MACO1: variants seen among roughly 807,000 people sequenced by gnomAD.
MACO1 encodes macoilin 1.
Under a neutral mutation model 78.7 loss-of-function variants are expected in MACO1, and 14 were observed. That is an observed-to-expected ratio of 0.18 (90% CI 0.12 to 0.28). The LOEUF is 0.28. Among genes scored for constraint, MACO1 ranks in the 10% least tolerant of loss-of-function variants. The probability of loss-of-function intolerance (pLI) is 1.00; values close to 1 mark genes in which losing one functional copy is unlikely to be tolerated. For synonymous variants in MACO1, 288 were observed against 291.6 expected (o/e 0.99, Z 0.12); for missense variants, 501 against 799.0 (o/e 0.63, Z 4.50).
At chr1:25,433,220 A>G (rs1233295949) in intron 1 of MACO1, among the ~76,000 whole-genome samples, 1 of 152,112 alleles carries the variant, frequency 6.6e-6, no homozygotes, top group East Asian at 1.9e-4. Flanking sequence ...CAACTCACTT[A>G]TCTGTTTCTT....
chr1:25,491,720 T>C (rs1178021889), intron 10 of MACO1, 136 bp downstream of exon 10: 7 of 655,596 alleles, frequency 1.1e-5, no homozygotes, highest in African/African-American at 3.6e-5. Context: ...GTGCCCAACA[T>C]TGAAATATAG....
At chr1:25,492,285 CA>C (rs2043492437) in intron 10 of MACO1, among the ~76,000 whole-genome samples, 1 of 152,118 alleles carries the variant, frequency 6.6e-6, no homozygotes, top group Non-Finnish European at 1.5e-5. Flanking sequence ...AGGTGATGAA[CA>C]AGCCAGCAGG....
intron 6 of MACO1, among the ~76,000 whole-genome samples, chr1:25,478,982 G>A (rs1270882763): frequency 6.6e-6 from 1 of 152,086 alleles, no homozygotes; most frequent in African/African-American, 2.4e-5. Flanking sequence ...TAGCTCTTCT[G>A]GAGAAAACTA....
chr1:25,491,662 G>C (rs958649550), intron 10 of MACO1, 78 bp downstream of exon 10: 14 of 1,292,292 alleles, frequency 1.1e-5, no homozygotes, highest in Admixed American at 2.1e-5. Flanking sequence ...TCTCCTGAGA[G>C]CTCTCAACCA....
At chr1:25,470,325 A>C (rs777124699) in intron 6 of MACO1, among the ~76,000 whole-genome samples, 2 of 152,244 alleles carry the variant, frequency 1.3e-5, no homozygotes, top group Non-Finnish European at 2.9e-5. Flanking sequence ...GCTGGCTCCT[A>C]GCTCCAGGGC....
At chr1:25,489,463 A>T (rs2124611438) in intron 9 of MACO1, among the ~76,000 whole-genome samples, 170 bp downstream of exon 9, 1 of 152,300 alleles carries the variant, frequency 6.6e-6, no homozygotes, top group Middle Eastern at 3.4e-3. Flanking sequence ...TGTCCAGCTC[A>T]TTTCAAGTCA....
At chr1:25,431,635 G>A (rs2042872200) in intron 1 of MACO1, among the ~76,000 whole-genome samples, 1 of 152,004 alleles carries the variant, frequency 6.6e-6, no homozygotes, top group Non-Finnish European at 1.5e-5. Context: ...GGGGGGTGGG[G>A]GAGGCTGACA....
chr1:25,465,420 G>A (rs1203189634), intron 6 of MACO1, among the ~76,000 whole-genome samples: 1 of 152,182 alleles, frequency 6.6e-6, no homozygotes, highest in Admixed American at 6.5e-5. Context: ...CACCAGCAAT[G>A]AATGGGAGTT....
intron 1 of MACO1, among the ~76,000 whole-genome samples, chr1:25,431,421 C>T (rs1044247650): frequency 6.7e-6 from 1 of 148,598 alleles, no homozygotes. Flanking sequence ...AGGGAGCCGC[C>T]GCGCCGCCGT....
chr1:25,488,383 G>A (rs2043453827), intron 8 of MACO1, among the ~76,000 whole-genome samples: 1 of 152,072 alleles, frequency 6.6e-6, no homozygotes, highest in Non-Finnish European at 1.5e-5. Context: ...AATTATCAAA[G>A]GACACAGAGA....
intron 6 of MACO1, among the ~76,000 whole-genome samples, chr1:25,471,548 C>T (rs776428382): frequency 1.3e-5 from 2 of 152,164 alleles, no homozygotes; most frequent in African/African-American, 2.4e-5. Flanking sequence ...GGACAGGGAA[C>T]TTATTTTCAC....
At position 25,431,173 on chromosome 1, in the gene MACO1, C is replaced by T. The variant is rs140254577; in HGVS notation, c.75C>T (p.Tyr25=). ...LKRNRITEGI[Y]GSTFLYLKFL... is the part of the protein sequence containing the mutation. ...GGAACCGGATCACCGAGGGCATTTACGGCAGGTGAGCGGCTGCACCCCCAC... is the reference window on the plus strand; with the variant it reads ...GGAACCGGATCACCGAGGGCATTTATGGCAGGTGAGCGGCTGCACCCCCAC... The change falls in exon 1 of 11, where the codon TAC becomes TAT. Residue 25 remains tyrosine, a synonymous_variant. Transcript: ENST00000374343. The T allele has an allele frequency of 2.9e-5, 47 of 1,593,642 alleles. No individual in the cohort carries two copies. Among genetic ancestry groups the T allele is most frequent in the Non-Finnish European group, 3.8e-5 (44 of 1,172,986 alleles).
chr1:25,475,346 A>C (rs572440570), intron 6 of MACO1, among the ~76,000 whole-genome samples: 1 of 152,286 alleles, frequency 6.6e-6, no homozygotes, highest in African/African-American at 2.4e-5. Flanking sequence ...CTCGGTCTCA[A>C]AAACAAACAA....
intron 1 of MACO1, among the ~76,000 whole-genome samples, chr1:25,439,028 A>G (rs909721741): frequency 8.5e-5 from 13 of 152,186 alleles, no homozygotes; most frequent in African/African-American, 3.1e-4. Context: ...ATTATATAAC[A>G]GCAATCATCT....
chr1:25,494,569 C>T (rs2043518273), intron 10 of MACO1, among the ~76,000 whole-genome samples: 1 of 152,084 alleles, frequency 6.6e-6, no homozygotes, highest in Non-Finnish European at 1.5e-5. Context: ...CGGGAAATCT[C>T]CCTCCTATAG....
intron 6 of MACO1, among the ~76,000 whole-genome samples, chr1:25,480,582 T>C (rs965753301): frequency 2.6e-5 from 4 of 152,168 alleles, no homozygotes; most frequent in Admixed American, 6.5e-5. Flanking sequence ...TTTTGTTGTA[T>C]TGTGCCACTG....
chr1:25,432,403 T>C (rs2042883577), intron 1 of MACO1, among the ~76,000 whole-genome samples: 1 of 152,234 alleles, frequency 6.6e-6, no homozygotes, highest in Admixed American at 6.5e-5. Flanking sequence ...CTTGGGTATA[T>C]TCTTATAAAA....
At chr1:25,470,193 C>G (rs752125647) in intron 6 of MACO1, among the ~76,000 whole-genome samples, 2 of 152,144 alleles carry the variant, frequency 1.3e-5, no homozygotes, top group Admixed American at 6.6e-5. Flanking sequence ...ATTTTGTGAT[C>G]TTAGAGAAAC....
chr1:25,441,726 G>A (rs2042974755), intron 1 of MACO1, among the ~76,000 whole-genome samples: 1 of 152,178 alleles, frequency 6.6e-6, no homozygotes, highest in Admixed American at 6.5e-5. Flanking sequence ...GGTTAGGGCG[G>A]CTTATTGTGA....
Sources: gnomAD v4.1 joint callset for allele counts (sites outside exome capture counted in the v4.1 genomes callset) on GRCh38, gnomAD v4.1.1 for gene constraint, MANE v1.5 for transcripts, NCBI Gene and HGNC (gene_info 2026-07-23, HGNC 2026-07-21) for gene names.